DSG4: variants seen among roughly 807,000 people sequenced by gnomAD.
DSG4 encodes desmoglein-4.
DSG4 carries 87 observed loss-of-function variants against 93.1 expected under a neutral mutation model. The ratio of observed to expected loss-of-function variants is 0.93; its 90% CI spans 0.79 to 1.12. DSG4 has a LOEUF of 1.12. Among genes scored for constraint, DSG4 ranks in the 50% most tolerant of loss-of-function variants. The pLI, the probability that DSG4 is intolerant of heterozygous loss-of-function variation, is 0.00. For missense variants in DSG4, 1,373 were observed against 1,285.7 expected (o/e 1.07, Z -1.04); for synonymous variants, 432 against 452.9 (o/e 0.95, Z 0.59).
In DSG4 at chr18:31,390,902, T is replaced by C; in HGVS notation, c.684+80T>C. 1.9e-6 allele frequency: 3 copies of C among 1,541,636 alleles called. No individual in the cohort carries two copies. In the South Asian group the frequency reaches 3.6e-5, roughly 18 times the overall value. On this transcript the variant is annotated intron_variant, in intron 6 of 15. Transcript: ENST00000308128. ...AGATAAAATGATCCATGTGTACCCT[T>C]ACTCCAATATAAAGGAGGGAAGAAA...
intron 3 of DSG4, 41 bp downstream of exon 3, chr18:31,386,860 G>A (rs771279365): frequency 2.5e-6 from 4 of 1,611,444 alleles, no homozygotes; most frequent in Non-Finnish European, 3.4e-6. Context: ...CTTTTGCAGA[G>A]CAGGGAAGCT....
intron 1 of DSG4, among the ~76,000 whole-genome samples, chr18:31,381,726 C>T (rs2072136881): frequency 6.6e-6 from 1 of 152,060 alleles, no homozygotes; most frequent in Non-Finnish European, 1.5e-5. Context: ...ATGGTGCGAT[C>T]TCAGCTCACT....
At position 31,399,307 on chromosome 18, in the gene DSG4, T is replaced by A. The variant is rs1162785597; in HGVS notation, c.1041T>A (p.Leu347=). 6.2e-7 allele frequency: 1 copy of A among 1,614,094 alleles called. No individual in the cohort carries two copies. Among genetic ancestry groups the A allele is most frequent in the East Asian group, 2.2e-5 (1 of 44,872 alleles). ...ATGAACAAGCACCTAACATTCAGCT[T>A]AGTATCGGAGTTAAAAACCAAGCTG... ...LDYEQAPNIQ[L]SIGVKNQADF... The change falls in exon 9 of 16, where the codon CTT becomes CTA. Residue 347 remains leucine (L), a synonymous_variant. Coordinates refer to ENST00000308128, the MANE Select transcript of DSG4 (RefSeq NM_177986.5).
chr18:31,379,710 A>C (rs945967804), intron 1 of DSG4, among the ~76,000 whole-genome samples: 6 of 152,212 alleles, frequency 3.9e-5, no homozygotes, highest in African/African-American at 1.4e-4. Flanking sequence ...CAGGCATCAA[A>C]ATTTGAAAAC....
chr18:31,413,722 C>T lies in DSG4; in HGVS notation c.*127C>T. The T allele has an allele frequency of 7.8e-7, 1 of 1,276,946 alleles. No individual in the cohort carries two copies. The highest frequency in any genetic ancestry group is 1.1e-6 in the Non-Finnish European group (1 of 915,956). The allele number at this position is 1,276,946 out of a possible 1,614,324, so 79.1% of individuals were successfully genotyped here. ...ATACTCAGATATTCTAAGGTCAATG[C>T]CATTATTTGATTATACCATTTTGAG... On this transcript the variant is annotated 3_prime_UTR_variant, in exon 16 of 16. Transcript: ENST00000308128.
intron 12 of DSG4, among the ~76,000 whole-genome samples, chr18:31,406,923 G>T (rs752328750): frequency 6.6e-6 from 1 of 151,782 alleles, no homozygotes. Flanking sequence ...GACTACAGGC[G>T]CCCACCACCA....
At chr18:31,412,221 A>G (rs377078394) in intron 15 of DSG4, among the ~76,000 whole-genome samples, 6 of 152,208 alleles carry the variant, frequency 3.9e-5, no homozygotes, top group African/African-American at 7.2e-5. Flanking sequence ...TTTTGCAACA[A>G]CATGGATGGA....
chr18:31,384,988 CATTT>C (rs1415890435), intron 1 of DSG4, 144 bp from the exon 2 acceptor site: 6 of 721,610 alleles, frequency 8.3e-6, no homozygotes, highest in African/African-American at 1.8e-5. Flanking sequence ...GTCTATTATT[CATTT>C]GTGTTAGCCA....
intron 1 of DSG4, among the ~76,000 whole-genome samples, chr18:31,384,704 C>G (rs1200613445): frequency 6.6e-6 from 1 of 152,126 alleles, no homozygotes; most frequent in African/African-American, 2.4e-5. Context: ...TATTATTGAC[C>G]GTTTCTGGAA....
Position 31,376,795 on chromosome 18 carries a change from T to C in DSG4, c.-117T>C, listed in dbSNP as rs2072081298. On this transcript the variant is annotated 5_prime_UTR_variant, in exon 1 of 16. It removes an upstream start codon present in the reference 5' UTR. Coordinates refer to ENST00000308128, the MANE Select transcript of DSG4 (RefSeq NM_177986.5). ...CAGAGATCACCACAGTTATCACCCATGCCCTCCTAAAAGGGTGTCTCAAAG... is the reference window on the plus strand; with the variant it reads ...CAGAGATCACCACAGTTATCACCCACGCCCTCCTAAAAGGGTGTCTCAAAG... The C allele has an allele frequency of 7.5e-6, 8 of 1,072,162 alleles. No homozygotes were observed. Among genetic ancestry groups the C allele is most frequent in the African/African-American group, 3.1e-5 (2 of 63,524 alleles). The allele number at this position is 1,072,162 out of a possible 1,614,324, so 66.4% of individuals were successfully genotyped here.
intron 15 of DSG4, among the ~76,000 whole-genome samples, chr18:31,411,669 A>AG (rs1199698375): frequency 6.6e-6 from 1 of 152,124 alleles, no homozygotes; most frequent in Admixed American, 6.5e-5. Flanking sequence ...ACCGTGAACA[A>AG]GGCCACACCC....
intron 12 of DSG4, among the ~76,000 whole-genome samples, chr18:31,409,028 A>G (rs918225374): frequency 6.6e-6 from 1 of 152,200 alleles, no homozygotes; most frequent in Admixed American, 6.5e-5. Context: ...GTGTAACTGT[A>G]ATAAGGATTG....
In DSG4 at chr18:31,376,932, A is replaced by G. The variant is rs75549650; in HGVS notation, c.21A>G (p.Arg7=). 2,896 of 1,613,664 alleles carry G rather than the reference A, an allele frequency of 1.8e-3. 55 individuals carry two copies. The African/African-American group carries it at 0.036, about 20-fold the overall frequency. The change falls in exon 1 of 16, where the codon AGA becomes AGG. Residue 7 remains arginine, a synonymous_variant. Transcript: ENST00000308128. ...AAGGAATGGATTGGCTCTTCTTCAG[A>G]AACATTTGCCTTTTGATCATTCTAA... is the stretch of plus-strand genomic sequence containing the variant. The part of the protein sequence containing the change: MDWLFF[R]NICLLIILMV...
chr18:31,399,564 A>T (rs777557680), intron 9 of DSG4, 21 bp downstream of exon 9: 16 of 1,613,590 alleles, frequency 9.9e-6, no homozygotes, highest in Non-Finnish European at 1.3e-5. Context: ...TATTTTCTTC[A>T]TGTTCTATGG....
At position 31,403,593 on chromosome 18, in the gene DSG4, C is replaced by T. The variant is rs1406101502; in HGVS notation, c.1595C>T (p.Pro532Leu). The T allele has an allele frequency of 6.2e-7, 1 of 1,613,954 alleles. No individual in the cohort carries two copies. The change falls in exon 11 of 16, where the codon CCA becomes CTA. Residue 532 changes from proline to leucine, a missense_variant. By Grantham distance (98) the Pro-to-Leu change is moderately conservative. Transcript: ENST00000308128. ...TTTACTTTCTGTGTTGTTGATGAGC[C>T]ACCAGGAATAGCTGACATGTGGGAT... ...SPFTFCVVDE[P>L]PGIADMWDVR...
At chr18:31,393,315 T>C (rs1015771444) in intron 8 of DSG4, among the ~76,000 whole-genome samples, 5 of 152,158 alleles carry the variant, frequency 3.3e-5, no homozygotes, top group Non-Finnish European at 7.3e-5. Flanking sequence ...TCTTTTTGTG[T>C]TACCATAAAG....
intron 14 of DSG4, 33 bp from the exon 15 acceptor site, chr18:31,411,198 C>T (rs551872633): frequency 1.2e-6 from 2 of 1,614,254 alleles, no homozygotes; most frequent in Non-Finnish European, 1.7e-6. Flanking sequence ...CAGGCAACTC[C>T]AGCGCTGTTA....
chr18:31,400,808 T>A, intron 9 of DSG4, 73 bp from the exon 10 acceptor site: 3 of 1,512,768 alleles, frequency 2.0e-6, no homozygotes, highest in Non-Finnish European at 2.7e-6. Flanking sequence ...TTTGCCACAT[T>A]GTAGCTGTTA....
chr18:31,383,223 C>T (rs1236967250), intron 1 of DSG4, among the ~76,000 whole-genome samples: 1 of 152,144 alleles, frequency 6.6e-6, no homozygotes, highest in Non-Finnish European at 1.5e-5. Context: ...AGGAAGAAGC[C>T]AGGGGATTTG....
Sources: allele counts gnomAD v4.1 joint callset (sites outside exome capture counted in the v4.1 genomes callset), GRCh38; gene constraint gnomAD v4.1.1; transcripts MANE v1.5; gene names NCBI Gene and HGNC (gene_info 2026-07-23, HGNC 2026-07-21).